PCDH9: variants seen among roughly 807,000 people sequenced by gnomAD.
PCDH9 encodes the protein protocadherin-9.
In PCDH9, 24 loss-of-function variants were observed where a neutral mutation model predicts 70.6. That is an observed-to-expected ratio of 0.34 (90% CI 0.25 to 0.48). The LOEUF (loss-of-function observed/expected upper bound fraction) is 0.48, where lower values mean the gene tolerates loss of function less well. Among genes scored for constraint, PCDH9 ranks in the 20% least tolerant of loss-of-function variants. The pLI is 0.99. For synonymous variants in PCDH9, 562 were observed against 558.5 expected, an observed-to-expected ratio of 1.01 and a Z score of -0.09; for missense variants, 1,281 against 1,503.6, an observed-to-expected ratio of 0.85 and a Z score of 2.45.
chr13:66,454,609 TG>T (rs1262094389), intron 4 of PCDH9, among the ~76,000 whole-genome samples: 5 of 152,160 alleles, frequency 3.3e-5, no homozygotes, highest in Non-Finnish European at 5.9e-5. Context: ...AGGACTTGAA[TG>T]GAAGGAGGCT....
At chr13:66,593,494 G>A (rs1333904494) in intron 4 of PCDH9, among the ~76,000 whole-genome samples, 1 of 151,684 alleles carries the variant, frequency 6.6e-6, no homozygotes, top group Non-Finnish European at 1.5e-5. Flanking sequence ...ATTTGTAAGT[G>A]ATGTTGCTTT....
intron 4 of PCDH9, among the ~76,000 whole-genome samples, chr13:66,495,385 T>C (rs182114497): frequency 1.3e-5 from 2 of 152,286 alleles, no homozygotes; most frequent in South Asian, 2.1e-4. Context: ...CTGGAATAAA[T>C]AATCTGAAAT....
chr13:66,931,844 C>T (rs999888612), intron 2 of PCDH9, among the ~76,000 whole-genome samples: 2 of 151,834 alleles, frequency 1.3e-5, no homozygotes, highest in African/African-American at 4.8e-5. Flanking sequence ...AATCAGCACC[C>T]CCCGACACCC....
At chr13:66,980,966 TAGTC>T (rs974967806) in intron 2 of PCDH9, among the ~76,000 whole-genome samples, 2 of 152,124 alleles carry the variant, frequency 1.3e-5, no homozygotes, top group Admixed American at 6.5e-5. Context: ...CATTTTATCA[TAGTC>T]AGCCTTTGTG....
At chr13:66,753,845 C>A (rs2079497768) in intron 3 of PCDH9, among the ~76,000 whole-genome samples, 1 of 152,046 alleles carries the variant, frequency 6.6e-6, no homozygotes, top group African/African-American at 2.4e-5. Flanking sequence ...GGTACCTAAT[C>A]AAATCAAGTG....
chr13:66,593,755 T>A (rs1461148928), intron 4 of PCDH9, among the ~76,000 whole-genome samples: 1 of 151,700 alleles, frequency 6.6e-6, no homozygotes, highest in Non-Finnish European at 1.5e-5. Flanking sequence ...TGTTTGTATT[T>A]GAAAACCAAA....
At chr13:67,154,366 CTTAGG>C (rs1266842821) in intron 2 of PCDH9, among the ~76,000 whole-genome samples, 2 of 151,912 alleles carry the variant, frequency 1.3e-5, no homozygotes, top group East Asian at 3.9e-4. Context: ...GGTGGATCAC[CTTAGG>C]TTAGGTGGAT....
chr13:66,747,057 T>C (rs1857128044), intron 3 of PCDH9, among the ~76,000 whole-genome samples: 1 of 152,200 alleles, frequency 6.6e-6, no homozygotes, highest in Admixed American at 6.5e-5. Context: ...CTGTTAAATA[T>C]GTGACATGAC....
intron 3 of PCDH9, among the ~76,000 whole-genome samples, chr13:66,850,117 G>A (rs1364626318): frequency 6.6e-6 from 1 of 151,928 alleles, no homozygotes; most frequent in Non-Finnish European, 1.5e-5. Context: ...CAATAATTTT[G>A]TGCCACTAAA....
intron 4 of PCDH9, among the ~76,000 whole-genome samples, chr13:66,401,586 C>CT (rs1414115806): frequency 6.6e-6 from 1 of 152,088 alleles, no homozygotes; most frequent in Non-Finnish European, 1.5e-5. Context: ...TAATTACCTT[C>CT]TAACAAATAT....
intron 4 of PCDH9, among the ~76,000 whole-genome samples, chr13:66,494,304 C>CTGCT (rs1258955991): frequency 6.6e-6 from 1 of 152,100 alleles, no homozygotes; most frequent in Non-Finnish European, 1.5e-5. Flanking sequence ...ATTTTATTAA[C>CTGCT]TGCTAATCAT....
At chr13:66,656,359 A>G (rs1451667903) in intron 3 of PCDH9, among the ~76,000 whole-genome samples, 1 of 152,218 alleles carries the variant, frequency 6.6e-6, no homozygotes, top group African/African-American at 2.4e-5. Flanking sequence ...TTCCATATTC[A>G]GTAGAGTTAA....
At chr13:67,087,381 A>G (rs1029125489) in intron 2 of PCDH9, among the ~76,000 whole-genome samples, 5 of 152,138 alleles carry the variant, frequency 3.3e-5, no homozygotes, top group Admixed American at 1.3e-4. Context: ...TCTTAGTACC[A>G]GTTTTACAAA....
At chr13:66,728,307 A>G (rs940111720) in intron 3 of PCDH9, among the ~76,000 whole-genome samples, 4 of 152,062 alleles carry the variant, frequency 2.6e-5, no homozygotes, top group African/African-American at 9.7e-5. Context: ...TTTCCAAATC[A>G]TTTTTTGTTC....
intron 2 of PCDH9, among the ~76,000 whole-genome samples, chr13:67,120,870 G>A (rs1484047151): frequency 6.6e-6 from 1 of 151,500 alleles, no homozygotes; most frequent in Admixed American, 6.6e-5. Context: ...GCCAGTATAT[G>A]TTTTTAAACA....
intron 2 of PCDH9, among the ~76,000 whole-genome samples, chr13:67,184,136 T>G (rs2138492790): frequency 6.6e-6 from 1 of 152,320 alleles, no homozygotes; most frequent in East Asian, 1.9e-4. Context: ...CTTTCCTTAG[T>G]CTTTACTTCA....
chr13:66,623,191 C>T (rs2077452227), intron 4 of PCDH9, among the ~76,000 whole-genome samples: 3 of 152,230 alleles, frequency 2.0e-5, no homozygotes, highest in Admixed American at 2.0e-4. Flanking sequence ...CCACCAATTC[C>T]GGACACACTA....
chr13:66,961,573 T>C (rs2083346331), intron 2 of PCDH9, among the ~76,000 whole-genome samples: 1 of 152,160 alleles, frequency 6.6e-6, no homozygotes, highest in South Asian at 2.1e-4. Flanking sequence ...GTGAGGGGGT[T>C]ACTTGAGCCC....
At chr13:66,385,686 C>A (rs1351238811) in intron 4 of PCDH9, among the ~76,000 whole-genome samples, 2 of 152,008 alleles carry the variant, frequency 1.3e-5, no homozygotes, top group Admixed American at 1.3e-4. Context: ...TATAGCTGTG[C>A]TAAAATGGTT....
Sources: allele counts gnomAD v4.1 joint callset (sites outside exome capture counted in the v4.1 genomes callset), GRCh38; gene constraint gnomAD v4.1.1; transcripts MANE v1.5; gene names NCBI Gene and HGNC (gene_info 2026-07-23, HGNC 2026-07-21).